MEI4: variants seen among roughly 807,000 people sequenced by gnomAD.
The protein encoded by MEI4 is meiosis-specific protein MEI4.
In MEI4, 27 loss-of-function variants were observed where a neutral mutation model predicts 31.4. The observed-to-expected ratio is 0.86, with a 90% CI of 0.63 to 1.19. The LOEUF (loss-of-function observed/expected upper bound fraction) is 1.19, where lower values mean the gene tolerates loss of function less well. Ranked by LOEUF, MEI4 falls within the 50% of genes most tolerant of loss-of-function variation. The pLI, the probability that MEI4 is intolerant of heterozygous loss-of-function variation, is 0.00. For synonymous variants in MEI4, 122 were observed against 145.4 expected (o/e 0.84, Z 1.16); for missense variants, 329 against 398.9 (o/e 0.82, Z 1.49).
intron 2 of MEI4, among the ~76,000 whole-genome samples, chr6:77,758,073 T>G (rs2127681029): frequency 6.6e-6 from 1 of 151,508 alleles, no homozygotes; most frequent in East Asian, 1.9e-4. Flanking sequence ...GGAGAATCAC[T>G]TGAACCCAGG....
At chr6:77,825,512 T>A (rs2127710141) in intron 3 of MEI4, among the ~76,000 whole-genome samples, 1 of 152,288 alleles carries the variant, frequency 6.6e-6, no homozygotes, top group South Asian at 2.1e-4. Context: ...CAGGAGACAT[T>A]TTTTTAGGAA....
intron 1 of MEI4, among the ~76,000 whole-genome samples, chr6:77,662,213 G>A (rs147517886): frequency 3.0e-3 from 459 of 152,330 alleles, no homozygotes; most frequent in African/African-American, 9.8e-3. Context: ...GAGGGGCAGA[G>A]TGGTAGCCTC....
At chr6:77,650,816 C>A (rs2127639469), upstream of MEI4, among the ~76,000 whole-genome samples, 1 of 152,362 alleles carries the variant, frequency 6.6e-6, no homozygotes, top group Admixed American at 6.5e-5. Flanking sequence ...GTGTGGATTT[C>A]TGTGGTATAT....
chr6:77,819,689 G>C (rs1769772044), intron 3 of MEI4, among the ~76,000 whole-genome samples: 1 of 152,028 alleles, frequency 6.6e-6, no homozygotes, highest in African/African-American at 2.4e-5. Context: ...TATTAAAGAG[G>C]CCCAATAGCT....
At chr6:77,767,307 G>A (rs774285787) in intron 3 of MEI4, among the ~76,000 whole-genome samples, 3 of 151,924 alleles carry the variant, frequency 2.0e-5, no homozygotes, top group Non-Finnish European at 4.4e-5. Flanking sequence ...TTGAACCCGG[G>A]AGGCAGAGGT....
At chr6:77,703,367 CAT>C (rs1188379730) in intron 2 of MEI4, among the ~76,000 whole-genome samples, 1 of 152,120 alleles carries the variant, frequency 6.6e-6, no homozygotes, top group Admixed American at 6.5e-5. Context: ...GAGAGCCACA[CAT>C]GTTTATAAGT....
chr6:77,798,741 T>C (rs1769158242), intron 3 of MEI4, among the ~76,000 whole-genome samples: 1 of 148,948 alleles, frequency 6.7e-6, no homozygotes, highest in Non-Finnish European at 1.5e-5. Context: ...GAATATGCGG[T>C]GTTTGGTTTT....
At chr6:77,761,003 G>T in intron 2 of MEI4, 127 bp from the exon 3 acceptor site, 1 of 627,334 alleles carries the variant, frequency 1.6e-6, no homozygotes, top group Non-Finnish European at 2.3e-6. Context: ...TTACACTACT[G>T]CTTGTTAAAT....
At chr6:77,830,594 G>T (rs1007729015) in intron 4 of MEI4, among the ~76,000 whole-genome samples, 4 of 151,954 alleles carry the variant, frequency 2.6e-5, no homozygotes, top group African/African-American at 9.7e-5. Flanking sequence ...CTAGTGTCAG[G>T]CAGGTTTATG....
At chr6:77,680,423 T>C (rs1331097270) in intron 1 of MEI4, among the ~76,000 whole-genome samples, 1 of 152,146 alleles carries the variant, frequency 6.6e-6, no homozygotes, top group Non-Finnish European at 1.5e-5. Flanking sequence ...TTCTGTGGTA[T>C]GAAAGTAGAT....
chr6:77,730,301 C>T (rs1766942711), intron 2 of MEI4, among the ~76,000 whole-genome samples: 1 of 152,140 alleles, frequency 6.6e-6, no homozygotes, highest in Admixed American at 6.5e-5. Flanking sequence ...TTCACTGTTA[C>T]ACTTTGTAGC....
intron 4 of MEI4, among the ~76,000 whole-genome samples, chr6:77,861,104 A>T (rs1485063871): frequency 6.6e-6 from 1 of 152,140 alleles, no homozygotes; most frequent in Non-Finnish European, 1.5e-5. Context: ...GATCCTTCCC[A>T]TCCAATAATG....
intron 3 of MEI4, among the ~76,000 whole-genome samples, chr6:77,816,821 C>G (rs1769700396): frequency 6.6e-6 from 1 of 152,136 alleles, no homozygotes; most frequent in South Asian, 2.1e-4. Flanking sequence ...GTATGTGTTT[C>G]TAAAGAACAT....
At chr6:77,701,459 A>G (rs886830321) in intron 2 of MEI4, among the ~76,000 whole-genome samples, 4 of 152,070 alleles carry the variant, frequency 2.6e-5, no homozygotes, top group Non-Finnish European at 4.4e-5. Flanking sequence ...GACAGTTGCT[A>G]TTATATTACA....
intron 2 of MEI4, among the ~76,000 whole-genome samples, chr6:77,693,237 C>A (rs1188500399): frequency 6.6e-6 from 1 of 151,910 alleles, no homozygotes; most frequent in African/African-American, 2.4e-5. Flanking sequence ...TTTGAGTATA[C>A]CCAGTGAATG....
intron 1 of MEI4, among the ~76,000 whole-genome samples, chr6:77,687,678 A>G (rs377474139): frequency 6.6e-6 from 1 of 152,238 alleles, no homozygotes; most frequent in African/African-American, 2.4e-5. Context: ...AGAACTCAGT[A>G]AGTCACTCTA....
In MEI4 at chr6:77,868,502, CATATATATATATATATAT is replaced by C. The variant is rs58946198; in HGVS notation, c.900+39449_900+39466del. 1.2e-4 allele frequency among the ~76,000 whole-genome samples: 11 copies of C among 90,068 alleles called. 1 individual carries two copies. The highest frequency in any genetic ancestry group is 4.7e-4 in the South Asian group (1 of 2,138). The allele number at this position is 90,068 out of a possible 152,430, so 59.1% of individuals were successfully genotyped here. ...AAAAACTTCCATGTAAAAAATACTA[CATATATATATATATATAT>C]ATATATATGCAGATTTCAAGTAAAA... On this transcript the variant is annotated intron_variant, in intron 4 of 4. Coordinates refer to ENST00000684080, the MANE Select transcript of MEI4 (RefSeq NM_001322247.2).
intron 2 of MEI4, among the ~76,000 whole-genome samples, chr6:77,740,548 T>G (rs537264518): frequency 6.6e-6 from 1 of 152,168 alleles, no homozygotes; most frequent in Non-Finnish European, 1.5e-5. Flanking sequence ...TATCACAATA[T>G]GAATTATGAA....
At chr6:77,819,715 A>T (rs1320635768) in intron 3 of MEI4, among the ~76,000 whole-genome samples, 1 of 152,166 alleles carries the variant, frequency 6.6e-6, no homozygotes, top group African/African-American at 2.4e-5. Flanking sequence ...CTTAGGAAGT[A>T]ATAAAGGCCT....
Sources: gnomAD v4.1 joint callset for allele counts (sites outside exome capture counted in the v4.1 genomes callset) on GRCh38, gnomAD v4.1.1 for gene constraint, MANE v1.5 for transcripts, NCBI Gene and HGNC (gene_info 2026-07-23, HGNC 2026-07-21) for gene names.